KIF23: variants seen among roughly 807,000 people sequenced by gnomAD.
KIF23 encodes the protein kinesin-like protein KIF23.
Under a neutral mutation model 137.5 loss-of-function variants are expected in KIF23, and 30 were observed. That is an observed-to-expected ratio of 0.22 (90% confidence interval 0.16 to 0.30). KIF23 has a LOEUF of 0.30. KIF23 is among the 10% of genes least tolerant of loss of function. The probability of loss-of-function intolerance (pLI) is 1.00; values close to 1 mark genes in which losing one functional copy is unlikely to be tolerated. For synonymous variants in KIF23, 367 were observed against 391.1 expected, an observed-to-expected ratio of 0.94 and a Z score of 0.73; for missense variants, 920 against 1,194.3, an observed-to-expected ratio of 0.77 and a Z score of 3.38.
chr15:69,417,954 G>A (rs1220053009), intron 3 of KIF23, among the ~76,000 whole-genome samples: 1 of 152,138 alleles, frequency 6.6e-6, no homozygotes, highest in East Asian at 1.9e-4. Context: ...AATGTGCTAA[G>A]CTAATAGTTG....
At chr15:69,422,720 A>G (rs887258060) in intron 6 of KIF23, among the ~76,000 whole-genome samples, 13 of 152,020 alleles carry the variant, frequency 8.6e-5, no homozygotes, top group Non-Finnish European at 1.9e-4. Flanking sequence ...GCAAACCATG[A>G]GTATGAATAA....
In KIF23 at chr15:69,414,404, C is replaced by T; in HGVS notation, c.-62C>T. 1 of 1,560,694 alleles carries T rather than the reference C, an allele frequency of 6.4e-7. No homozygotes were observed. The highest frequency in any genetic ancestry group is 8.7e-7 in the Non-Finnish European group (1 of 1,152,600). ...TAGTTCTTGCTGCCGGTCCTAACGT[C>T]CCGCAGTCTTCGCCAGCCAGCCGTC... is the stretch of plus-strand genomic sequence containing the variant. On this transcript the variant is annotated 5_prime_UTR_variant, in exon 1 of 24. Coordinates refer to ENST00000679126, the MANE Select transcript of KIF23 (RefSeq NM_001367805.3).
At chr15:69,441,485 A>G (rs1163518332) in intron 19 of KIF23, among the ~76,000 whole-genome samples, 1 of 152,154 alleles carries the variant, frequency 6.6e-6, no homozygotes, top group African/African-American at 2.4e-5. Flanking sequence ...TGTTTTCCCA[A>G]ATTTTTATTT....
chr15:69,442,513 T>C (rs555517354), intron 19 of KIF23, among the ~76,000 whole-genome samples: 12 of 152,352 alleles, frequency 7.9e-5, no homozygotes, highest in African/African-American at 2.9e-4. Context: ...TGTTCATTTA[T>C]GTGGCCTGAA....
chr15:69,420,358 A>G (rs2057023877), intron 3 of KIF23, among the ~76,000 whole-genome samples: 1 of 152,156 alleles, frequency 6.6e-6, no homozygotes, highest in African/African-American at 2.4e-5. Flanking sequence ...TTCGGGCCTC[A>G]GTTTTCTTTA....
At position 69,440,528 on chromosome 15, in the gene KIF23, A is replaced by C. The variant is rs751782822; in HGVS notation, c.2109+41A>C. ...TTGTGTAGTAACTTTGTACTAGAGA[A>C]ATTTTGTTCAGATTAGATGACTATT... is the stretch of plus-strand genomic sequence containing the variant. On this transcript the variant is annotated intron_variant, in intron 18 of 23. Coordinates refer to ENST00000679126, the MANE Select transcript of KIF23 (RefSeq NM_001367805.3). 3.9e-6 allele frequency: 6 copies of C among 1,536,180 alleles called. No homozygotes were observed. The East Asian group carries it at 1.1e-4, about 29-fold the overall frequency.
At position 69,438,286 on chromosome 15, in the gene KIF23, G is replaced by A; in HGVS notation, c.1636G>A (p.Ala546Thr). The A allele has an allele frequency of 6.2e-7, 1 of 1,611,150 alleles. No individual in the cohort carries two copies. Among genetic ancestry groups the A allele is most frequent in the Non-Finnish European group, 8.5e-7 (1 of 1,179,176 alleles). ...FKALLQEFDN[A>T]VLSKENHMQG... is the part of the protein sequence containing the mutation. Reference sequence around the variant, plus strand: ...AGCTTTGTTACAAGAATTTGACAATGCTGTTTTAAGTAAAGAAAACCACAT... The same window carrying A: ...AGCTTTGTTACAAGAATTTGACAATACTGTTTTAAGTAAAGAAAACCACAT... Residue 546 changes from alanine to threonine, a missense_variant, in exon 16 of 24, where the codon GCT becomes ACT. This residue lies in a region of KIF23 where 714 missense variants were observed against 866.2 expected (regional missense o/e 0.82). Transcript: ENST00000679126.
intron 10 of KIF23, chr15:69,427,633 G>T (rs2140345727): frequency 2.9e-6 from 1 of 341,066 alleles, no homozygotes. Flanking sequence ...CCCATATGCA[G>T]ATCACTATTT....
At chr15:69,415,562 T>TG (rs1168410172) in intron 1 of KIF23, among the ~76,000 whole-genome samples, 1 of 152,208 alleles carries the variant, frequency 6.6e-6, no homozygotes, top group Non-Finnish European at 1.5e-5. Flanking sequence ...ATTCAATGAC[T>TG]GGTTGTTCCT....
intron 20 of KIF23, 56 bp downstream of exon 20, chr15:69,445,097 C>A (rs2057712178): frequency 3.4e-6 from 5 of 1,487,080 alleles, no homozygotes; most frequent in Non-Finnish European, 4.5e-6. Flanking sequence ...CAACAAAAGT[C>A]CATTTGTCCT....
chr15:69,414,553 C>CTCAGGGGGCAGGCGTCTCCAA, intron 1 of KIF23, 77 bp downstream of exon 1: 1 of 1,418,374 alleles, frequency 7.1e-7, no homozygotes, highest in Admixed American at 2.8e-5. Flanking sequence ...GGCGTCTCCA[C>CTCAGGGGGCAGGCGTCTCCAA]TCAGGCCGCG....
rs543235428 is a variant in KIF23 at position 69,427,727 on chromosome 15, T to A, written c.1011+1270T>A. Among the ~76,000 whole-genome samples the A allele has an allele frequency of 2.0e-5, 3 of 152,352 alleles. No individual in the cohort carries two copies. In the South Asian group the frequency reaches 6.2e-4, roughly 32 times the overall value. On this transcript the variant is annotated intron_variant, in intron 10 of 23. Coordinates refer to ENST00000679126, the MANE Select transcript of KIF23 (RefSeq NM_001367805.3). Reference sequence around the variant, plus strand: ...AGTATACATAATCTAATAACTGTAATCCATTAAAGTGTAATTTTATTCAAA... The same window carrying A: ...AGTATACATAATCTAATAACTGTAAACCATTAAAGTGTAATTTTATTCAAA...
Position 69,426,363 on chromosome 15 carries a change from C to T in KIF23, c.917C>T (p.Thr306Ile). Residue 306 changes from threonine (T) to isoleucine (I), a missense_variant, in exon 10 of 24, where the codon ACC becomes ATC. Thr to Ile is a moderately conservative substitution (Grantham distance 89). Around this residue, in one of 4 missense-constraint regions of KIF23, gnomAD observed 714 missense variants for 866.2 expected, o/e 0.82. Transcript: ENST00000679126. ...RGQKKRRIAN[T>I]HLNRESSRSH... ...CAGAAAAAGAGACGTATTGCTAATA[C>T]CCATTTGAATCGTGAGTCCAGCCGT... 2.5e-6 allele frequency: 4 copies of T among 1,614,088 alleles called. No homozygotes were observed. The highest frequency in any genetic ancestry group is 3.4e-6 in the Non-Finnish European group (4 of 1,179,986).
In KIF23 at chr15:69,425,343, C is replaced by A; in HGVS notation, c.776+20C>A. The stretch of plus-strand genomic sequence containing the variant: ...TTTTGTGTATGTGATGGTGTTGGCT[C>A]TTTTCTTAAGGAGAAGGGTGCAGTT... On this transcript the variant is annotated intron_variant, in intron 8 of 23. Transcript: ENST00000679126. The A allele has an allele frequency of 6.5e-7, 1 of 1,533,432 alleles. No homozygotes were observed. Among genetic ancestry groups the A allele is most frequent in the Non-Finnish European group, 8.7e-7 (1 of 1,144,648 alleles). The allele number at this position is 1,533,432 out of a possible 1,614,324, so 95.0% of individuals were successfully genotyped here.
chr15:69,439,784 C>G, intron 16 of KIF23, 120 bp from the exon 17 acceptor site: 1 of 637,298 alleles, frequency 1.6e-6, no homozygotes, highest in Non-Finnish European at 2.4e-6. Context: ...GAAAAAAGTG[C>G]TTTCTCCATG....
intron 6 of KIF23, 160 bp from the exon 7 acceptor site, chr15:69,422,999 A>G (rs1043110284): frequency 1.3e-5 from 7 of 530,144 alleles, no homozygotes; most frequent in East Asian, 3.7e-5. Context: ...GGGTTTCACC[A>G]TGTTGGCCAG....
At chr15:69,436,331 A>T in intron 14 of KIF23, 70 bp downstream of exon 14, 1 of 1,475,110 alleles carries the variant, frequency 6.8e-7, no homozygotes, top group South Asian at 1.3e-5. Flanking sequence ...AAAAAAAATT[A>T]TTTCATTTAA....
chr15:69,430,186 A>G (rs2057322138), intron 11 of KIF23, among the ~76,000 whole-genome samples: 1 of 152,156 alleles, frequency 6.6e-6, no homozygotes, highest in Admixed American at 6.5e-5. Flanking sequence ...CAATCTGTAT[A>G]TGTGTTTTTT....
intron 19 of KIF23, among the ~76,000 whole-genome samples, chr15:69,443,097 A>C (rs2057660042): frequency 6.6e-6 from 1 of 152,082 alleles, no homozygotes; most frequent in Non-Finnish European, 1.5e-5. Context: ...TCATTGTAGG[A>C]ATGGAAAGTT....
Sources: gnomAD v4.1 joint callset for allele counts (sites outside exome capture counted in the v4.1 genomes callset) on GRCh38, gnomAD v4.1.1 for gene constraint, gnomAD v4.1.1 regional missense constraint, MANE v1.5 for transcripts, NCBI Gene and HGNC (gene_info 2026-07-23, HGNC 2026-07-21) for gene names.